Variants in FAAH2 observed in about 807,000 individuals in gnomAD.
The protein encoded by FAAH2 is fatty acid amide hydrolase 2, also known as fatty-acid amide hydrolase 2.
In FAAH2, 60 loss-of-function variants were observed where a neutral mutation model predicts 36.9. The ratio of observed to expected loss-of-function variants is 1.63; its 90% CI spans 1.32 to 2.02. The LOEUF is 2.02. Ranked by LOEUF, FAAH2 falls within the 30% of genes most tolerant of loss-of-function variation. The pLI is 0.00. For missense variants in FAAH2, 689 were observed against 397.5 expected, an observed-to-expected ratio of 1.73 and a Z score of -6.23; for synonymous variants, 214 against 143.8, an observed-to-expected ratio of 1.49 and a Z score of -3.49.
the FAAH2 span, among the ~76,000 whole-genome samples, chrX:57,147,033 G>C: frequency 6.3e-5 from 7 of 110,744 alleles, no homozygotes; most frequent in African/African-American, 2.3e-4. Flanking sequence ...TTCCTTTCTT[G>C]GTTATGTCTT....
the FAAH2 span, among the ~76,000 whole-genome samples, chrX:57,216,941 G>GT: frequency 9.2e-6 from 1 of 108,806 alleles, no homozygotes; most frequent in Non-Finnish European, 1.9e-5. Context: ...AACATCTACT[G>GT]TTTTTTGATT....
At chrX:57,319,391 A>G (rs1246363620) in intron 3 of FAAH2, among the ~76,000 whole-genome samples, 1 of 111,908 alleles carries the variant, frequency 8.9e-6, no homozygotes, top group Admixed American at 9.5e-5. Context: ...ACAAAAAGAG[A>G]GCCAAATCAT....
intron 5 of FAAH2, among the ~76,000 whole-genome samples, chrX:57,361,995 TGAG>T (rs1340431486): frequency 8.9e-6 from 1 of 111,829 alleles, no homozygotes; most frequent in Non-Finnish European, 1.9e-5. Flanking sequence ...AGATTTCTGC[TGAG>T]AAGTTTGCTT....
At chrX:57,145,857 C>T in the FAAH2 span, among the ~76,000 whole-genome samples, 1 of 111,295 alleles carries the variant, frequency 9.0e-6, no homozygotes, top group African/African-American at 3.3e-5. Flanking sequence ...TGTTGAAGTT[C>T]AGTTGGCTGT....
intron 8 of FAAH2, among the ~76,000 whole-genome samples, chrX:57,438,641 T>C (rs2056471184): frequency 1.8e-5 from 2 of 110,170 alleles, no homozygotes; most frequent in Admixed American, 9.7e-5. Flanking sequence ...AGGGTACATG[T>C]GCACAATGTG....
chrX:57,357,134 C>T (rs942299258), intron 5 of FAAH2, among the ~76,000 whole-genome samples: 36 of 111,434 alleles, frequency 3.2e-4, no homozygotes, highest in African/African-American at 1.1e-3. Flanking sequence ...TAGCCATATG[C>T]AGAAAACTGA....
chrX:57,313,008 G>C (rs1335481235), intron 3 of FAAH2, among the ~76,000 whole-genome samples: 1 of 111,161 alleles, frequency 9.0e-6, no homozygotes, highest in Non-Finnish European at 1.9e-5. Context: ...TGATCCAAGA[G>C]ATGGGAGAAA....
At chrX:57,218,261 A>G in the FAAH2 span, among the ~76,000 whole-genome samples, 9 of 111,691 alleles carry the variant, frequency 8.1e-5, no homozygotes, top group Non-Finnish European at 1.3e-4. Context: ...ATATAGTGAC[A>G]GTCCTTGTCT....
At chrX:57,281,843 G>C (rs898399110), upstream of FAAH2, among the ~76,000 whole-genome samples, 2 of 111,405 alleles carry the variant, frequency 1.8e-5, no homozygotes, top group African/African-American at 3.3e-5. Flanking sequence ...TCCTGTGATA[G>C]TTTTCTTAGG....
At chrX:57,197,202 G>A in the FAAH2 span, among the ~76,000 whole-genome samples, 3 of 111,705 alleles carry the variant, frequency 2.7e-5, no homozygotes, top group Admixed American at 2.8e-4. Context: ...CTCCAAGTGT[G>A]TCTTTCATTT....
At chrX:57,440,974 C>A (rs765104866) in intron 8 of FAAH2, among the ~76,000 whole-genome samples, 9 of 111,591 alleles carry the variant, frequency 8.1e-5, no homozygotes, top group Non-Finnish European at 1.3e-4. Flanking sequence ...GGTGGATAAG[C>A]TTTTTGATGT....
chrX:57,328,600 A>G (rs2053296740), intron 3 of FAAH2, among the ~76,000 whole-genome samples: 1 of 111,628 alleles, frequency 9.0e-6, no homozygotes, highest in African/African-American at 3.3e-5. Flanking sequence ...TTGCTTGAGA[A>G]CTAGTGTGTT....
chrX:57,485,961 G>C (rs2057466710), intron 10 of FAAH2, among the ~76,000 whole-genome samples: 1 of 111,598 alleles, frequency 9.0e-6, no homozygotes, highest in African/African-American at 3.3e-5. Context: ...TTGCTCTTGG[G>C]TTCTCTAGCT....
chrX:57,185,540 A>ATG, the FAAH2 span, among the ~76,000 whole-genome samples: 1 of 83,506 alleles, frequency 1.2e-5, no homozygotes, highest in Admixed American at 1.3e-4. Flanking sequence ...GTGTGCGTGT[A>ATG]TGTGTGTGTG....
At chrX:57,306,692 G>T (rs1281537200) in intron 2 of FAAH2, among the ~76,000 whole-genome samples, 3 of 9,962 alleles carry the variant, frequency 3.0e-4, no homozygotes, top group African/African-American at 4.8e-4. Context: ...GCAACATCTT[G>T]TGTGTGTGTG....
the FAAH2 span, among the ~76,000 whole-genome samples, chrX:57,162,934 G>T: frequency 8.9e-6 from 1 of 112,518 alleles, no homozygotes; most frequent in Non-Finnish European, 1.9e-5. Context: ...GAGGAGAGGC[G>T]CTCTGCTTTT....
chrX:57,150,985 G>C, the FAAH2 span, among the ~76,000 whole-genome samples: 13 of 111,862 alleles, frequency 1.2e-4, no homozygotes, highest in Non-Finnish European at 2.1e-4. Context: ...GCATTTGCTT[G>C]TCTGTAAAGT....
chrX:57,443,723 G>T (rs1245491930), intron 8 of FAAH2, among the ~76,000 whole-genome samples: 1 of 111,714 alleles, frequency 9.0e-6, no homozygotes, highest in African/African-American at 3.3e-5. Context: ...TTCTGCTCTG[G>T]TTTCTCCCCA....
At chrX:57,394,507 C>A in intron 7 of FAAH2, 1 of 1,207,424 alleles carries the variant, frequency 8.3e-7, no homozygotes, top group East Asian at 3.0e-5. Flanking sequence ...GAACAGGTGT[C>A]TTGAGGTTAA....
Sources: gnomAD v4.1 joint callset for allele counts (sites outside exome capture counted in the v4.1 genomes callset) on GRCh38, gnomAD v4.1.1 for gene constraint, MANE v1.5 for transcripts, NCBI Gene and HGNC (gene_info 2026-07-23, HGNC 2026-07-21) for gene names.